Variants in BRMS1L observed in about 807,000 individuals in gnomAD.
BRMS1L encodes the protein breast cancer metastasis-suppressor 1-like protein.
BRMS1L carries 23 observed loss-of-function variants against 50.3 expected under a neutral mutation model. The ratio of observed to expected loss-of-function variants is 0.46; its 90% CI spans 0.33 to 0.65. The LOEUF is 0.65. Among genes scored for constraint, BRMS1L ranks in the 30% least tolerant of loss-of-function variants. The pLI is 0.02. For synonymous variants in BRMS1L, 114 were observed against 126.9 expected (o/e 0.90, Z 0.69); for missense variants, 286 against 386.1 (o/e 0.74, Z 2.17).
Position 35,865,774 on chromosome 14 carries a change from G to C in BRMS1L, c.727+13G>C. The C allele has an allele frequency of 1.3e-6, 2 of 1,599,992 alleles. No individual in the cohort carries two copies. The highest frequency in any genetic ancestry group is 1.7e-4 in the Middle Eastern group (1 of 6,014). On this transcript the variant is annotated intron_variant, in intron 8 of 9. Transcript: ENST00000216807. The stretch of plus-strand genomic sequence containing the variant: ...GTGAAAACGGAACGTAAGTCATTTA[G>C]TCTGAGTTGGGAAATATTCTCTTTG...
At chr14:35,826,852 G>A in intron 1 of BRMS1L, 194 bp downstream of exon 1, 1 of 739,202 alleles carries the variant, frequency 1.4e-6, no homozygotes, top group Non-Finnish European at 2.1e-6. Context: ...GGTCCCGGCG[G>A]CGGGGCGGGG....
intron 4 of BRMS1L, among the ~76,000 whole-genome samples, chr14:35,846,758 T>C (rs1181530688): frequency 6.6e-6 from 1 of 152,190 alleles, no homozygotes; most frequent in Admixed American, 6.5e-5. Context: ...TTTCCCCAGG[T>C]AAACTTACTT....
Position 35,826,540 on chromosome 14 carries a change from TA to T in BRMS1L, c.26del (p.Lys9ArgfsTer76). ...AAATGCCAGTCCATTCCCGAGGGGA[TA>T]AGAAGGAGACCAACCATCACGATGA... MPVHSRGD[K>X]KETNHHDEME... On this transcript the variant is annotated frameshift_variant, in exon 1 of 10. Transcript: ENST00000216807. LOFTEE classifies it high-confidence loss of function. The T allele has an allele frequency of 6.3e-7, 1 of 1,597,882 alleles. No homozygotes were observed.
chr14:35,828,285 G>A (rs2077871106), intron 1 of BRMS1L, among the ~76,000 whole-genome samples: 1 of 151,404 alleles, frequency 6.6e-6, no homozygotes, highest in Non-Finnish European at 1.5e-5. Context: ...CAATTCTCCT[G>A]CCTTAGCCTC....
rs764418974 is a variant in BRMS1L at position 35,870,395 on chromosome 14, G to A, written c.890G>A (p.Trp297Ter). 1.9e-6 allele frequency: 3 copies of A among 1,602,788 alleles called. No homozygotes were observed. Among genetic ancestry groups the A allele is most frequent in the African/African-American group, 2.7e-5 (2 of 74,148 alleles). Residue 297 changes from tryptophan to a stop codon, truncating the protein, a stop_gained, in exon 10 of 10, where the codon TGG (tryptophan) becomes TAG (stop). Transcript: ENST00000216807. LOFTEE classifies it high-confidence loss of function. Reference protein sequence around the residue: ...VITTINHDEVWFKRPDGSKSK... With the variant: ...VITTINHDEV ...ACAACAATTAACCATGATGAAGTTT[G>A]GTTTAAGAGGCCTGATGGAAGCAAA... is the stretch of plus-strand genomic sequence containing the variant.
chr14:35,838,678 A>T (rs562136205), intron 4 of BRMS1L, among the ~76,000 whole-genome samples: 288 of 152,252 alleles, frequency 1.9e-3, no homozygotes, highest in African/African-American at 6.7e-3. Context: ...TCTTCTTTTG[A>T]GAAGTGTCTG....
chr14:35,864,059 C>G, intron 6 of BRMS1L, 106 bp downstream of exon 6: 1 of 816,456 alleles, frequency 1.2e-6, no homozygotes, highest in Non-Finnish European at 2.0e-6. Flanking sequence ...TTGCATGATC[C>G]TGTAATAAGC....
At chr14:35,860,249 C>T (rs891067663) in intron 4 of BRMS1L, among the ~76,000 whole-genome samples, 1 of 152,106 alleles carries the variant, frequency 6.6e-6, no homozygotes, top group South Asian at 2.1e-4. Flanking sequence ...AGTGCCTCAG[C>T]CTCCTGAGTA....
intron 9 of BRMS1L, 51 bp downstream of exon 9, chr14:35,868,083 A>G: frequency 6.6e-7 from 1 of 1,509,664 alleles, no homozygotes; most frequent in South Asian, 1.3e-5. Flanking sequence ...CATTTACAAC[A>G]TCGTTGTCAG....
chr14:35,852,917 C>T (rs559339489), intron 4 of BRMS1L, among the ~76,000 whole-genome samples: 3 of 151,512 alleles, frequency 2.0e-5, no homozygotes, highest in Non-Finnish European at 4.4e-5. Flanking sequence ...GGCGAAAGAG[C>T]GAGGCTCCGT....
At chr14:35,850,398 C>G (rs1258345777) in intron 4 of BRMS1L, among the ~76,000 whole-genome samples, 1 of 150,902 alleles carries the variant, frequency 6.6e-6, no homozygotes, top group East Asian at 2.0e-4. Context: ...GTAGACATGG[C>G]ATTTCTCCAT....
At chr14:35,849,351 G>A (rs1289772714) in intron 4 of BRMS1L, among the ~76,000 whole-genome samples, 1 of 152,164 alleles carries the variant, frequency 6.6e-6, no homozygotes, top group Non-Finnish European at 1.5e-5. Context: ...GCAGTGACAC[G>A]ATCATAGCTT....
intron 4 of BRMS1L, among the ~76,000 whole-genome samples, chr14:35,835,480 A>G (rs1280140545): frequency 6.6e-6 from 1 of 152,174 alleles, no homozygotes; most frequent in Non-Finnish European, 1.5e-5. Flanking sequence ...GATATAAATA[A>G]CTCCCACAAG....
At chr14:35,850,209 CT>C (rs72493491) in intron 4 of BRMS1L, among the ~76,000 whole-genome samples, 199 of 128,880 alleles carry the variant, frequency 1.5e-3, no homozygotes, top group Middle Eastern at 4.6e-3. Flanking sequence ...GTTGCCTTTT[CT>C]TTTTTTTTTT....
intron 1 of BRMS1L, among the ~76,000 whole-genome samples, chr14:35,828,646 G>C (rs2077878770): frequency 3.9e-5 from 6 of 152,080 alleles, no homozygotes; most frequent in Admixed American, 3.9e-4. Context: ...GATAATTTTT[G>C]TGTTTCACCA....
intron 9 of BRMS1L, among the ~76,000 whole-genome samples, chr14:35,868,248 A>G (rs927848159): frequency 1.3e-5 from 2 of 152,226 alleles, no homozygotes; most frequent in African/African-American, 4.8e-5. Flanking sequence ...ACTTTAATGC[A>G]AGTAGAAATG....
chr14:35,870,676 G>A lies in BRMS1L; in HGVS notation c.*199G>A, dbSNP rs549012313. 8.1e-5 allele frequency: 26 copies of A among 321,256 alleles called. No individual in the cohort carries two copies. Among genetic ancestry groups the A allele is most frequent in the Admixed American group, 4.5e-4 (9 of 20,202 alleles). 19.9% of individuals were successfully genotyped at this position (321,256 alleles called of 1,614,324 possible). ...ATAAAAATTTTATCACGATCCTTAC[G>A]TTGATTTGCCTCTTAGGTCCGATGA... On this transcript the variant is annotated 3_prime_UTR_variant, in exon 10 of 10. Transcript: ENST00000216807.
At chr14:35,827,416 G>A (rs2077860064) in intron 1 of BRMS1L, among the ~76,000 whole-genome samples, 1 of 152,118 alleles carries the variant, frequency 6.6e-6, no homozygotes, top group South Asian at 2.1e-4. Flanking sequence ...TGTGATTACC[G>A]GGATTATTTT....
chr14:35,831,321 C>A, intron 1 of BRMS1L, 89 bp from the exon 2 acceptor site: 1 of 856,154 alleles, frequency 1.2e-6, no homozygotes. Context: ...AGTTTTTCTT[C>A]CTATTTGAAT....
Sources: gnomAD v4.1 joint callset for allele counts (sites outside exome capture counted in the v4.1 genomes callset) on GRCh38, gnomAD v4.1.1 for gene constraint, MANE v1.5 for transcripts, NCBI Gene and HGNC (gene_info 2026-07-23, HGNC 2026-07-21) for gene names.